Variants in WDPCP observed in about 807,000 individuals in gnomAD.
WDPCP encodes WD repeat containing planar cell polarity effector.
A neutral mutation model predicts 93.1 loss-of-function variants in WDPCP; 71 were observed. The observed-to-expected ratio is 0.76, with a 90% CI of 0.63 to 0.93. The LOEUF (loss-of-function observed/expected upper bound fraction) is 0.93. WDPCP is among the 40% of genes least tolerant of loss of function. The pLI, the probability that WDPCP is intolerant of heterozygous loss-of-function variation, is 0.00. For missense variants in WDPCP, 844 were observed against 887.4 expected (o/e 0.95, Z 0.62); for synonymous variants, 315 against 315.0 (o/e 1.00, Z 0.00).
intron 15 of WDPCP, among the ~76,000 whole-genome samples, chr2:63,170,926 A>G (rs988629309): frequency 6.6e-6 from 1 of 152,160 alleles, no homozygotes; most frequent in African/African-American, 2.4e-5. Flanking sequence ...ACCTATAGTC[A>G]GTTGATTTTT....
chr2:63,422,131 C>T (rs1444084945), intron 9 of WDPCP, among the ~76,000 whole-genome samples: 1 of 152,150 alleles, frequency 6.6e-6, no homozygotes, highest in African/African-American at 2.4e-5. Context: ...ATACCATTTT[C>T]CATTAAAAAG....
chr2:63,119,944 CT>C lies in WDPCP; in HGVS notation c.*2061del, dbSNP rs1309782089. Among the ~76,000 whole-genome samples the C allele has an allele frequency of 6.6e-6, 1 of 152,130 alleles. No individual in the cohort carries two copies. Among genetic ancestry groups the C allele is most frequent in the African/African-American group, 2.4e-5 (1 of 41,434 alleles). On this transcript the variant is annotated 3_prime_UTR_variant, in exon 18 of 18. Transcript: ENST00000272321. ...TAAACTTGGTTTTCTGTACATTTAA[CT>C]TTTCTAGAGGTATGTGAAGTGGGGA...
chr2:63,805,177 T>C (rs1670746319), intron 2 of WDPCP, among the ~76,000 whole-genome samples: 1 of 152,222 alleles, frequency 6.6e-6, no homozygotes, highest in Non-Finnish European at 1.5e-5. Context: ...AATTTACAAT[T>C]TAAATCAAGA....
chr2:63,301,605 G>T (rs1273175718), intron 13 of WDPCP, among the ~76,000 whole-genome samples: 1 of 152,140 alleles, frequency 6.6e-6, no homozygotes, highest in Non-Finnish European at 1.5e-5. Context: ...ACTTGGGTAA[G>T]CATGACTAAT....
At chr2:63,381,839 A>G in intron 11 of WDPCP, 67 bp downstream of exon 11, 1 of 1,553,986 alleles carries the variant, frequency 6.4e-7, no homozygotes, top group Non-Finnish European at 8.8e-7. Flanking sequence ...AACCTCAAAA[A>G]ATAACTCAAT....
Position 63,709,083 on chromosome 2 carries a change from ATG to A in WDPCP, n.309-58247_309-58246del, listed in dbSNP as rs1669219995. 2.5e-4 allele frequency among the ~76,000 whole-genome samples: 29 copies of A among 114,298 alleles called. 5 individuals are homozygous for A. The highest frequency in any genetic ancestry group is 3.4e-4 in the Admixed American group (4 of 11,882). 75.0% of individuals were successfully genotyped at this position (114,298 alleles called of 152,430 possible). A position where few individuals can be genotyped will look rare whatever the true frequency, so the allele number is the denominator to read the frequency against. On this transcript the variant is annotated intron_variant and non_coding_transcript_variant, in intron 2 of 4. Transcript: ENST00000467687. The stretch of plus-strand genomic sequence containing the variant: ...AAAAAAAAAAAAAAAAAAAAAAAAA[ATG>A]ACCCGGGCTTGGTGATGTATGCCTG...
At chr2:63,164,696 A>G (rs1387861755) in intron 15 of WDPCP, among the ~76,000 whole-genome samples, 1 of 152,206 alleles carries the variant, frequency 6.6e-6, no homozygotes, top group Non-Finnish European at 1.5e-5. Context: ...GGACAAACCA[A>G]TATAATGTTT....
chr2:63,314,441 G>A (rs961095922), intron 12 of WDPCP, among the ~76,000 whole-genome samples: 3 of 152,140 alleles, frequency 2.0e-5, no homozygotes, highest in Admixed American at 6.6e-5. Context: ...AAAGTGCTGG[G>A]ATTATAGGCC....
intron 2 of WDPCP, chr2:63,751,738 CAT>C: frequency 1.8e-6 from 1 of 564,398 alleles, no homozygotes; most frequent in Non-Finnish European, 3.4e-6. Flanking sequence ...CTGAAATTGA[CAT>C]AGTCACCTTG....
chr2:63,294,311 C>T (rs1684673291), intron 13 of WDPCP, among the ~76,000 whole-genome samples: 1 of 12,852 alleles, frequency 7.8e-5, no homozygotes, highest in Admixed American at 1.3e-3. Flanking sequence ...CAGGACCAGT[C>T]TGGCCAACAG....
chr2:63,254,043 T>C (rs1315323416), intron 14 of WDPCP, among the ~76,000 whole-genome samples: 4 of 152,078 alleles, frequency 2.6e-5, no homozygotes, highest in Admixed American at 6.6e-5. Flanking sequence ...TGGAAAACTA[T>C]ACAGCCATAA....
chr2:63,218,510 T>A (rs942966403), intron 14 of WDPCP, among the ~76,000 whole-genome samples: 4 of 149,686 alleles, frequency 2.7e-5, no homozygotes, highest in Non-Finnish European at 4.5e-5. Context: ...AAATACAGAT[T>A]GTTCTTTTAT....
Position 63,434,039 on chromosome 2 carries a change from G to C in WDPCP, c.634-103C>G, listed in dbSNP as rs568686187. The stretch of plus-strand genomic sequence containing the variant: ...CATCTGGAAATGTAGTTACATGCAA[G>C]TAAATATGCATGTTAAACATGTGCG... On this transcript the variant is annotated intron_variant, in intron 8 of 17. Transcript: ENST00000272321. 5 of 1,153,976 alleles carry C rather than the reference G, an allele frequency of 4.3e-6. No homozygotes were observed. The South Asian group carries it at 5.4e-5, about 12-fold the overall frequency. 71.5% of individuals were successfully genotyped at this position (1,153,976 alleles called of 1,614,324 possible). A position where few individuals can be genotyped will look rare whatever the true frequency, so the allele number is the denominator to read the frequency against.
chr2:63,741,305 CTTTGA>C (rs944725795), intron 2 of WDPCP, among the ~76,000 whole-genome samples: 3 of 151,868 alleles, frequency 2.0e-5, no homozygotes, highest in Non-Finnish European at 2.9e-5. Flanking sequence ...CTCGGACCTT[CTTTGA>C]TTTATTTTTT....
At chr2:63,793,899 T>C (rs1293998740) in intron 2 of WDPCP, among the ~76,000 whole-genome samples, 1 of 151,910 alleles carries the variant, frequency 6.6e-6, no homozygotes, top group Non-Finnish European at 1.5e-5. Context: ...TGTGTGTGTG[T>C]GTGTGTGTGT....
At chr2:63,587,783 T>G (rs1053535058) in intron 1 of WDPCP, among the ~76,000 whole-genome samples, 3 of 152,220 alleles carry the variant, frequency 2.0e-5, no homozygotes, top group Non-Finnish European at 4.4e-5. Flanking sequence ...AGTCTTTCCT[T>G]AGAAATGCCT....
chr2:63,715,266 G>C lies in WDPCP; in HGVS notation n.309-64428C>G, dbSNP rs1669320684. ...GCCTCTGAGTTTTTCACCTTAAAAT[G>C]GTTCATTTTATGTTATGCAAATTTT... On this transcript the variant is annotated intron_variant and non_coding_transcript_variant, in intron 2 of 4. Transcript: ENST00000467687. Among the ~76,000 whole-genome samples the C allele has an allele frequency of 3.3e-5, 5 of 152,236 alleles. No individual in the cohort carries two copies. The South Asian group carries it at 1.0e-3, about 32-fold the overall frequency.
At chr2:63,313,830 T>A (rs1287273256) in intron 12 of WDPCP, among the ~76,000 whole-genome samples, 1 of 113,902 alleles carries the variant, frequency 8.8e-6, no homozygotes, top group Non-Finnish European at 1.7e-5. Context: ...ATTGTAACTA[T>A]CTGGCAATAC....
At chr2:63,291,829 AAAG>A (rs765538482) in intron 13 of WDPCP, among the ~76,000 whole-genome samples, 4 of 151,214 alleles carry the variant, frequency 2.6e-5, no homozygotes, top group Non-Finnish European at 5.9e-5. Context: ...AAAGAAAAGA[AAAG>A]AAAAAGAAAA....
Sources: allele counts gnomAD v4.1 joint callset (sites outside exome capture counted in the v4.1 genomes callset), GRCh38; gene constraint gnomAD v4.1.1; transcripts MANE v1.5; gene names NCBI Gene and HGNC (gene_info 2026-07-23, HGNC 2026-07-21).